The following ITM2C variants were observed in gnomAD, a reference collection of about 807,000 sequenced individuals.
ITM2C encodes BRICHOS domain containing 2C.
Under a neutral mutation model 30.0 loss-of-function variants are expected in ITM2C, and 20 were observed. That is an observed-to-expected ratio of 0.67 (90% CI 0.47 to 0.97). The LOEUF (loss-of-function observed/expected upper bound fraction) is 0.97, where lower values mean the gene tolerates loss of function less well. Among genes scored for constraint, ITM2C ranks in the 50% least tolerant of loss-of-function variants. ITM2C has a pLI of 0.00. For missense variants in ITM2C, 366 were observed against 371.9 expected, an observed-to-expected ratio of 0.98 and a Z score of 0.13; for synonymous variants, 167 against 156.4, an observed-to-expected ratio of 1.07 and a Z score of -0.51.
rs1222306270 is a variant in ITM2C, at chr2:230,865,411, C to T, written c.120+266C>T. ...GGTGGAGAAGTGCTCGAGGTCTCTT[C>T]CAAAAGTGGGGGCCCCCTCGCCGCC... is the stretch of plus-strand genomic sequence containing the variant. On this transcript the variant is annotated intron_variant, in intron 1 of 5. Transcript: ENST00000326427. The surrounding 1 kb of genome is among the most constrained non-coding windows in gnomAD (Gnocchi z 6.8). The T allele has an allele frequency of 5.5e-6, 2 of 364,756 alleles. No individual in the cohort carries two copies. Among genetic ancestry groups the T allele is most frequent in the Non-Finnish European group, 9.6e-6 (2 of 207,370 alleles). 22.6% of individuals were successfully genotyped at this position (364,756 alleles called of 1,614,324 possible).
At chr2:230,867,870 A>G (rs1214302815) in intron 1 of ITM2C, among the ~76,000 whole-genome samples, 2 of 152,100 alleles carry the variant, frequency 1.3e-5, no homozygotes, top group East Asian at 3.9e-4. Context: ...TGTTGGCCAG[A>G]CTGGTCTCAA....
In ITM2C at chr2:230,865,004, G is replaced by A; in HGVS notation, c.-22G>A. On this transcript the variant is annotated 5_prime_UTR_variant, in exon 1 of 6. Transcript: ENST00000326427. This position sits in a 1 kb window ranked among gnomAD's most constrained non-coding sequence, Gnocchi z 6.8. ...GCTGCACCGGCAGAGGCTGCGGGGC[G>A]GACGCGCGGGCCGGCGCAGCCATGG... The A allele has an allele frequency of 6.9e-7, 1 of 1,458,326 alleles. No individual in the cohort carries two copies. Among genetic ancestry groups the A allele is most frequent in the Non-Finnish European group, 9.1e-7 (1 of 1,094,438 alleles). 90.3% of individuals were successfully genotyped at this position (1,458,326 alleles called of 1,614,324 possible). A position where few individuals can be genotyped will look rare whatever the true frequency, so the allele number is the denominator to read the frequency against.
chr2:230,875,176 C>G (rs538998587), intron 2 of ITM2C, among the ~76,000 whole-genome samples: 1 of 152,244 alleles, frequency 6.6e-6, no homozygotes, highest in Non-Finnish European at 1.5e-5. Flanking sequence ...GGCTCTTTCT[C>G]TGGTGTCTGC....
chr2:230,871,268 G>C (rs939486869), intron 1 of ITM2C, among the ~76,000 whole-genome samples: 5 of 152,256 alleles, frequency 3.3e-5, no homozygotes, highest in Non-Finnish European at 7.3e-5. Context: ...AGGCAGCCTG[G>C]CCTGTGTCAG....
chr2:230,874,401 C>T (rs1254155462), intron 2 of ITM2C, among the ~76,000 whole-genome samples: 1 of 152,140 alleles, frequency 6.6e-6, no homozygotes, highest in Non-Finnish European at 1.5e-5. Context: ...GCCTGCGTCC[C>T]CCTCGTTCCA....
chr2:230,869,241 C>T (rs1697105121), intron 1 of ITM2C, among the ~76,000 whole-genome samples: 1 of 152,166 alleles, frequency 6.6e-6, no homozygotes, highest in African/African-American at 2.4e-5. Flanking sequence ...TTCGCCTGGC[C>T]CAGCCAAGCC....
chr2:230,875,921 A>T, intron 3 of ITM2C, 113 bp downstream of exon 3: 1 of 851,204 alleles, frequency 1.2e-6, no homozygotes, highest in Non-Finnish European at 1.8e-6. Context: ...GTCTACGGTT[A>T]GGCTTACCAG....
chr2:230,876,817 C>CA, intron 3 of ITM2C, 40 bp from the exon 4 acceptor site: 1 of 1,396,810 alleles, frequency 7.2e-7, no homozygotes, highest in Non-Finnish European at 1.0e-6. Flanking sequence ...GGTCAGCTGT[C>CA]ACCTCCTGCA....
In ITM2C at chr2:230,877,878, CTG is replaced by C; in HGVS notation, c.713-127_713-126del. 1.4e-6 allele frequency: 1 copy of C among 738,076 alleles called. No homozygotes were observed. Among genetic ancestry groups the C allele is most frequent in the Admixed American group, 2.6e-5 (1 of 37,948 alleles). 45.7% of individuals were successfully genotyped at this position (738,076 alleles called of 1,614,324 possible). On this transcript the variant is annotated intron_variant, in intron 5 of 5. Coordinates refer to ENST00000326427, the MANE Select transcript of ITM2C (RefSeq NM_030926.6). This position sits in a 1 kb window ranked among gnomAD's most constrained non-coding sequence, Gnocchi z 4.8. ...GCTTTCGAGCTCTCCCCATTTCTCA[CTG>C]TGCTCTTTGGGTGAATCTGGGTGAA... is the stretch of plus-strand genomic sequence containing the variant.
intron 3 of ITM2C, among the ~76,000 whole-genome samples, chr2:230,876,159 G>T (rs916761308): frequency 2.0e-5 from 3 of 152,126 alleles, no homozygotes; most frequent in African/African-American, 7.2e-5. Context: ...AACCCCCATG[G>T]GTCCTGAGAC....
In ITM2C at chr2:230,875,825, C is replaced by A; in HGVS notation, c.450+17C>A. Reference sequence around the variant, plus strand: ...TTCCAGCGGGTGAGGCTGGCCAGGGCCTGGGGGTGGGGGGTGGGAGGGTGT... The same window carrying A: ...TTCCAGCGGGTGAGGCTGGCCAGGGACTGGGGGTGGGGGGTGGGAGGGTGT... On this transcript the variant is annotated intron_variant, in intron 3 of 5. Transcript: ENST00000326427. The A allele has an allele frequency of 1.5e-6, 2 of 1,331,518 alleles. No homozygotes were observed. The highest frequency in any genetic ancestry group is 1.8e-5 in the South Asian group (1 of 56,048). 82.5% of individuals were successfully genotyped at this position (1,331,518 alleles called of 1,614,324 possible). A position where few individuals can be genotyped will look rare whatever the true frequency, so the allele number is the denominator to read the frequency against.
intron 2 of ITM2C, among the ~76,000 whole-genome samples, chr2:230,874,953 A>G (rs1334558398): frequency 6.6e-6 from 1 of 152,208 alleles, no homozygotes; most frequent in Non-Finnish European, 1.5e-5. Flanking sequence ...GATATCCAGG[A>G]AGGGCGATGG....
chr2:230,873,193 GTGTCTCCTTTTCTCTTTCGAGGTT>G (rs1488931088), intron 1 of ITM2C, 200 bp from the exon 2 acceptor site: 7 of 447,288 alleles, frequency 1.6e-5, no homozygotes, highest in Non-Finnish European at 2.3e-5. Context: ...CTTTCGAGGT[GTGTCTCCTTTTCTCTTTCGAGGTT>G]TGTCTCGGTT....
chr2:230,876,683 A>G (rs1162801646), intron 3 of ITM2C, among the ~76,000 whole-genome samples, 174 bp from the exon 4 acceptor site: 2 of 151,918 alleles, frequency 1.3e-5, no homozygotes, highest in Admixed American at 6.5e-5. Context: ...GGGTTTCACC[A>G]TGTTAGTCAG....
chr2:230,871,486 G>T (rs1209595002), intron 1 of ITM2C, among the ~76,000 whole-genome samples: 1 of 152,242 alleles, frequency 6.6e-6, no homozygotes, highest in Non-Finnish European at 1.5e-5. Context: ...AGCTGTTCCT[G>T]AGGGCCCTGT....
chr2:230,868,304 T>G (rs1032340716), intron 1 of ITM2C, among the ~76,000 whole-genome samples: 1 of 152,006 alleles, frequency 6.6e-6, no homozygotes, highest in African/African-American at 2.4e-5. Context: ...GCTGGGACAC[T>G]GCCAGCTTGG....
At chr2:230,871,737 C>A (rs554450591) in intron 1 of ITM2C, among the ~76,000 whole-genome samples, 2 of 152,348 alleles carry the variant, frequency 1.3e-5, no homozygotes, top group Admixed American at 1.3e-4. Context: ...GGCAGGGGCA[C>A]CCCATGGTGA....
upstream of ITM2C, among the ~76,000 whole-genome samples, chr2:230,864,231 A>T (rs1249181327): frequency 6.6e-6 from 1 of 152,100 alleles, no homozygotes; most frequent in Non-Finnish European, 1.5e-5. The surrounding 1 kb of genome is among the most constrained non-coding windows in gnomAD (Gnocchi z 4.3). Flanking sequence ...GCAGTTCAGG[A>T]GGTCACCCAA....
At position 230,873,402 on chromosome 2, in the gene ITM2C, C is replaced by G; in HGVS notation, c.121-15C>G. On this transcript the variant is annotated splice_polypyrimidine_tract_variant and intron_variant, in intron 1 of 5. Transcript: ENST00000326427. ...GGGGCCCTGGCCCCCACTGACCCAG[C>G]ATTGCTATCCACAGGAGGAGCAGCC... 6.5e-7 allele frequency: 1 copy of G among 1,539,852 alleles called. No individual in the cohort carries two copies. Among genetic ancestry groups the G allele is most frequent in the Non-Finnish European group, 8.7e-7 (1 of 1,142,872 alleles).
Sources: gnomAD v4.1 joint callset for allele counts (sites outside exome capture counted in the v4.1 genomes callset) on GRCh38, gnomAD v4.1.1 for gene constraint, Gnocchi (gnomAD v3.1) non-coding constraint, MANE v1.5 for transcripts, NCBI Gene and HGNC (gene_info 2026-07-23, HGNC 2026-07-21) for gene names.